Variants in CUX1 observed in about 807,000 individuals in gnomAD.
CUX1 encodes the protein protein CASP.
A neutral mutation model predicts 158.8 loss-of-function variants in CUX1; 31 were observed. The observed-to-expected ratio is 0.20, with a 90% CI of 0.15 to 0.26. The LOEUF is 0.26. Ranked by LOEUF, CUX1 falls within the 10% of genes least tolerant of loss-of-function variation. The pLI is 1.00. For missense variants in CUX1, 1,589 were observed against 2,014.6 expected (o/e 0.79, Z 4.04); for synonymous variants, 879 against 862.1 (o/e 1.02, Z -0.34).
chr7:102,085,273 T>A (rs1827841876), intron 4 of CUX1, among the ~76,000 whole-genome samples: 1 of 152,226 alleles, frequency 6.6e-6, no homozygotes, highest in Admixed American at 6.5e-5. Flanking sequence ...CATTTTAAAA[T>A]TTGCTGGATT....
intron 1 of CUX1, among the ~76,000 whole-genome samples, chr7:101,827,913 T>G (rs1439590581): frequency 6.7e-6 from 1 of 150,160 alleles, no homozygotes; most frequent in African/African-American, 2.5e-5. Flanking sequence ...GTGGTGGAGA[T>G]GGAAGGGCTG....
rs139056978 is a variant in CUX1 at position 102,269,719 on chromosome 7, C to T, written c.1256-3647C>T. Among the ~76,000 whole-genome samples the T allele has an allele frequency of 6.4e-3, 981 of 152,260 alleles. 8 individuals are homozygous for T. The highest frequency in any genetic ancestry group is 0.021 in the African/African-American group (884 of 41,558). ...GATTACAGGCGTGAGCCACCACGCC[C>T]ACCCCCACAGTCTTAACTCATTACA... On this transcript the variant is annotated intron_variant, in intron 14 of 22. Coordinates refer to the CUX1 transcript ENST00000292538.
chr7:101,945,564 C>T (rs1180103009), intron 2 of CUX1, among the ~76,000 whole-genome samples: 3 of 152,126 alleles, frequency 2.0e-5, no homozygotes, highest in East Asian at 1.9e-4. Context: ...GTCCTGGCCT[C>T]GTGGAGCTGA....
chr7:102,102,177 A>G (rs868953649), intron 5 of CUX1, among the ~76,000 whole-genome samples: 1 of 152,130 alleles, frequency 6.6e-6, no homozygotes, highest in South Asian at 2.1e-4. Context: ...CTGTGCCCTG[A>G]TGGGATCGTT....
intron 8 of CUX1, among the ~76,000 whole-genome samples, chr7:102,129,130 C>T (rs890442478): frequency 6.6e-6 from 1 of 152,172 alleles, no homozygotes; most frequent in Admixed American, 6.5e-5. Flanking sequence ...GGTCTCTTCC[C>T]ACTCTTAAGA....
intron 2 of CUX1, among the ~76,000 whole-genome samples, chr7:101,943,402 C>T (rs934228357): frequency 6.6e-6 from 1 of 152,018 alleles, no homozygotes; most frequent in South Asian, 2.1e-4. Context: ...CCACTGCACC[C>T]GGCCTCTGGT....
At chr7:102,178,432 G>T (rs782462953) in intron 10 of CUX1, 37 bp from the exon 11 acceptor site, 16 of 1,557,172 alleles carry the variant, frequency 1.0e-5, no homozygotes, top group Non-Finnish European at 1.4e-5. Context: ...CCGCCTCAAG[G>T]CCAGCGCAGT....
chr7:102,017,298 A>AAAT (rs1392695521), intron 2 of CUX1, among the ~76,000 whole-genome samples: 1 of 151,328 alleles, frequency 6.6e-6, no homozygotes, highest in Non-Finnish European at 1.5e-5. Flanking sequence ...CTCAAAAAAA[A>AAAT]AAAAAAAAGT....
intron 2 of CUX1, among the ~76,000 whole-genome samples, chr7:102,006,830 GTGCAAGGGGC>G (rs1242124047): frequency 6.6e-6 from 1 of 152,242 alleles, no homozygotes; most frequent in East Asian, 1.9e-4. Context: ...ACTGCCAAGG[GTGCAAGGGGC>G]TGCTCCATGC....
intron 2 of CUX1, among the ~76,000 whole-genome samples, chr7:102,006,194 A>G (rs1022223017): frequency 6.6e-6 from 1 of 152,136 alleles, no homozygotes; most frequent in Non-Finnish European, 1.5e-5. Context: ...CGCGGGGTCC[A>G]CTGGCTCGGA....
intron 2 of CUX1, among the ~76,000 whole-genome samples, chr7:102,005,951 C>T (rs1333613215): frequency 6.6e-6 from 1 of 152,144 alleles, no homozygotes; most frequent in East Asian, 1.9e-4. Flanking sequence ...TCACGAGGAG[C>T]GAGCGGCCGC....
chr7:101,934,976 T>G (rs1806745164), intron 2 of CUX1, among the ~76,000 whole-genome samples: 1 of 151,928 alleles, frequency 6.6e-6, no homozygotes, highest in Non-Finnish European at 1.5e-5. Context: ...TAGGAGTGGA[T>G]GGAGGGGATC....
intron 2 of CUX1, among the ~76,000 whole-genome samples, chr7:101,979,950 G>A (rs562588135): frequency 3.3e-5 from 5 of 152,200 alleles, no homozygotes; most frequent in South Asian, 2.1e-4. Context: ...CACCGTGTCC[G>A]GCTGGGTGTT....
intron 1 of CUX1, among the ~76,000 whole-genome samples, chr7:101,856,033 T>A (rs1021947744): frequency 2.0e-5 from 3 of 151,232 alleles, no homozygotes; most frequent in Admixed American, 2.0e-4. Flanking sequence ...TAAGAAAAAT[T>A]GGCCAGGTGT....
At chr7:102,208,892 C>T (rs1042488386) in intron 20 of CUX1, among the ~76,000 whole-genome samples, 2 of 152,224 alleles carry the variant, frequency 1.3e-5, no homozygotes, top group South Asian at 2.1e-4. Flanking sequence ...GAGAAATGCT[C>T]AGTGCTTGAG....
At chr7:102,227,030 A>G (rs144235813) in intron 20 of CUX1, among the ~76,000 whole-genome samples, 5 of 152,304 alleles carry the variant, frequency 3.3e-5, no homozygotes, top group Non-Finnish European at 7.4e-5. Context: ...GTGCTTCTGA[A>G]TTACCAAATT....
chr7:102,174,020 G>T (rs1375585032), intron 10 of CUX1, among the ~76,000 whole-genome samples: 4 of 152,148 alleles, frequency 2.6e-5, no homozygotes, highest in African/African-American at 7.2e-5. Context: ...CCCATCCATT[G>T]GGTATCCCAG....
At chr7:101,914,767 G>C (rs1281260855) in intron 1 of CUX1, among the ~76,000 whole-genome samples, 1 of 152,078 alleles carries the variant, frequency 6.6e-6, no homozygotes, top group Non-Finnish European at 1.5e-5. Flanking sequence ...CCAAAGTGCT[G>C]GGATTACAGG....
At chr7:101,952,994 A>G (rs1456631099) in intron 2 of CUX1, among the ~76,000 whole-genome samples, 5 of 152,182 alleles carry the variant, frequency 3.3e-5, no homozygotes, top group Non-Finnish European at 5.9e-5. Context: ...TCCGTAAATG[A>G]AGGAGCAGAG....
Sources: gnomAD v4.1 joint callset for allele counts (sites outside exome capture counted in the v4.1 genomes callset) on GRCh38, gnomAD v4.1.1 for gene constraint, MANE v1.5 for transcripts, NCBI Gene and HGNC (gene_info 2026-07-23, HGNC 2026-07-21) for gene names.